Variants in RAPGEF6 observed in about 807,000 individuals in gnomAD.
RAPGEF6 encodes the protein Rap guanine nucleotide exchange factor 6.
In RAPGEF6, 56 loss-of-function variants were observed where a neutral mutation model predicts 171.4. That is an observed-to-expected ratio of 0.33 (90% CI 0.26 to 0.41). The LOEUF is 0.41. RAPGEF6 is among the 10% of genes least tolerant of loss of function. The pLI is 1.00. For synonymous variants in RAPGEF6, 692 were observed against 650.1 expected, an observed-to-expected ratio of 1.06 and a Z score of -0.98; for missense variants, 1,674 against 1,921.4, an observed-to-expected ratio of 0.87 and a Z score of 2.41.
At chr5:131,569,130 A>G (rs1014217657) in intron 4 of RAPGEF6, among the ~76,000 whole-genome samples, 2 of 152,248 alleles carry the variant, frequency 1.3e-5, no homozygotes, top group Non-Finnish European at 2.9e-5. Context: ...AACACAATAT[A>G]GTTAAGACTG....
chr5:131,577,314 A>G (rs1762665023), intron 4 of RAPGEF6, among the ~76,000 whole-genome samples: 1 of 152,198 alleles, frequency 6.6e-6, no homozygotes, highest in Non-Finnish European at 1.5e-5. Flanking sequence ...GGTCTTTTAA[A>G]AACACCTCAC....
chr5:131,549,767 C>T (rs959413234), intron 5 of RAPGEF6, among the ~76,000 whole-genome samples: 2 of 151,880 alleles, frequency 1.3e-5, no homozygotes, highest in Non-Finnish European at 2.9e-5. Context: ...AGGTTTATTA[C>T]GCAGGTAAAC....
intron 4 of RAPGEF6, among the ~76,000 whole-genome samples, chr5:131,591,771 C>A (rs1161320055): frequency 6.6e-6 from 1 of 152,248 alleles, no homozygotes; most frequent in South Asian, 2.1e-4. Context: ...AAACCAATTT[C>A]TTAACTATTA....
chr5:131,631,454 C>G (rs757233662), intron 1 of RAPGEF6, among the ~76,000 whole-genome samples: 23 of 152,198 alleles, frequency 1.5e-4, no homozygotes, highest in Non-Finnish European at 5.9e-5. Flanking sequence ...CACATCTGAT[C>G]TATTAGCAAA....
At chr5:131,444,089 C>T (rs952471207) in intron 22 of RAPGEF6, among the ~76,000 whole-genome samples, 5 of 152,164 alleles carry the variant, frequency 3.3e-5, no homozygotes, top group South Asian at 4.1e-4. Context: ...GGTGCAGCCT[C>T]AGTACTTCAT....
chr5:131,546,938 A>G (rs1760585164), intron 6 of RAPGEF6, among the ~76,000 whole-genome samples: 1 of 152,248 alleles, frequency 6.6e-6, no homozygotes. Context: ...TCAAAAAAAG[A>G]CACATATTAC....
intron 5 of RAPGEF6, among the ~76,000 whole-genome samples, chr5:131,561,395 C>T (rs911109121): frequency 1.3e-5 from 2 of 152,088 alleles, no homozygotes; most frequent in Admixed American, 6.5e-5. Context: ...CAGTGACCCA[C>T]GCCTGTAATC....
intron 11 of RAPGEF6, among the ~76,000 whole-genome samples, chr5:131,500,071 G>C (rs1756918064): frequency 6.6e-6 from 1 of 151,986 alleles, no homozygotes; most frequent in Non-Finnish European, 1.5e-5. Context: ...GCTAATTTTT[G>C]TATTTTTAGT....
intron 4 of RAPGEF6, among the ~76,000 whole-genome samples, chr5:131,586,088 A>G (rs9327619): frequency 0.77 from 116,459 of 152,030 alleles, 44,924 homozygotes; most frequent in Middle Eastern, 0.82. Flanking sequence ...TAAATGAACT[A>G]AGACCTGTCT....
chr5:131,504,729 TC>T lies in RAPGEF6; in HGVS notation c.1150del (p.Glu384LysfsTer22). 1 of 1,613,954 alleles carries T rather than the reference TC, an allele frequency of 6.2e-7. No homozygotes were observed. Among genetic ancestry groups the T allele is most frequent in the African/African-American group, 1.3e-5 (1 of 75,014 alleles). On this transcript the variant is annotated frameshift_variant, in exon 11 of 28. Coordinates refer to ENST00000509018, the MANE Select transcript of RAPGEF6 (RefSeq NM_016340.6). LOFTEE classifies it high-confidence loss of function. ...QDYWRILNHV[E>X]KNTHKVEEEG... The stretch of plus-strand genomic sequence containing the variant: ...TTCCTCAACTTTATGGGTATTTTTT[TC>T]CACATGGTTTAAAATTCTCCAATAA...
intron 15 of RAPGEF6, among the ~76,000 whole-genome samples, chr5:131,481,052 A>T (rs925534190): frequency 2.0e-5 from 3 of 151,664 alleles, no homozygotes; most frequent in Non-Finnish European, 4.4e-5. Context: ...CTGCCTCCCA[A>T]GTAGCTGGGA....
chr5:131,464,217 A>G lies in RAPGEF6; in HGVS notation c.2304T>C (p.Ser768=). Residue 768 remains serine (S), a synonymous_variant, in exon 18 of 28, where the codon AGT becomes AGC. Coordinates refer to ENST00000509018, the MANE Select transcript of RAPGEF6 (RefSeq NM_016340.6). The stretch of plus-strand genomic sequence containing the variant: ...CTACTTCTTTAGCTGTGGTGTCTTT[A>G]CTGATGATAATGTAGCAACTTTGCT... The part of the protein sequence containing the change: ...VDQQSCYIII[S]KDTTAKEVVF... 1 of 1,613,878 alleles carries G rather than the reference A, an allele frequency of 6.2e-7. No homozygotes were observed. The highest frequency in any genetic ancestry group is 8.5e-7 in the Non-Finnish European group (1 of 1,179,794).
chr5:131,602,988 C>T (rs1167044981), intron 3 of RAPGEF6, among the ~76,000 whole-genome samples: 1 of 152,164 alleles, frequency 6.6e-6, no homozygotes, highest in Non-Finnish European at 1.5e-5. Flanking sequence ...TACAGTGATA[C>T]AAGTCAGAAT....
In RAPGEF6 at chr5:131,425,338, A is replaced by T. The variant is rs969482931; in HGVS notation, c.*1928T>A. ...GTAGACATCTGAATTTGATAAAAAAAGTGGGTATAGCAAAAATATATTTCA... is the reference window on the plus strand; with the variant it reads ...GTAGACATCTGAATTTGATAAAAAATGTGGGTATAGCAAAAATATATTTCA... On this transcript the variant is annotated 3_prime_UTR_variant, in exon 28 of 28. Transcript: ENST00000509018. 1 of 152,508 alleles carries T rather than the reference A, an allele frequency of 6.6e-6. No individual in the cohort carries two copies. The highest frequency in any genetic ancestry group is 1.9e-4 in the East Asian group (1 of 5,326). The allele number at this position is 152,508 out of a possible 1,614,324, so 9.4% of individuals were successfully genotyped here. A position where few individuals can be genotyped will look rare whatever the true frequency, so the allele number is the denominator to read the frequency against.
intron 1 of RAPGEF6, among the ~76,000 whole-genome samples, chr5:131,620,273 C>T (rs1234032201): frequency 1.3e-5 from 2 of 152,194 alleles, no homozygotes; most frequent in Non-Finnish European, 2.9e-5. Flanking sequence ...ACATCCATAG[C>T]TTCAACTATC....
chr5:131,612,680 A>G (rs1765005621), intron 1 of RAPGEF6, among the ~76,000 whole-genome samples: 1 of 152,172 alleles, frequency 6.6e-6, no homozygotes, highest in Non-Finnish European at 1.5e-5. Flanking sequence ...GTAATACACA[A>G]AAGTTAGGTT....
At chr5:131,530,665 G>T (rs764500062) in intron 6 of RAPGEF6, among the ~76,000 whole-genome samples, 14 of 152,174 alleles carry the variant, frequency 9.2e-5, no homozygotes, top group Non-Finnish European at 5.9e-5. Flanking sequence ...TACCAATCCA[G>T]AATCCTGCTC....
At chr5:131,627,986 C>T (rs1268320528) in intron 1 of RAPGEF6, among the ~76,000 whole-genome samples, 1 of 152,178 alleles carries the variant, frequency 6.6e-6, no homozygotes, top group Non-Finnish European at 1.5e-5. Flanking sequence ...TGTGTTCCAA[C>T]TGTTCCACTG....
intron 4 of RAPGEF6, among the ~76,000 whole-genome samples, chr5:131,575,919 C>T (rs1762578815): frequency 6.6e-6 from 1 of 152,124 alleles, no homozygotes; most frequent in Non-Finnish European, 1.5e-5. Flanking sequence ...TTCTAGAGGC[C>T]CTCAAGATCA....
Sources: gnomAD v4.1 joint callset for allele counts (sites outside exome capture counted in the v4.1 genomes callset) on GRCh38, gnomAD v4.1.1 for gene constraint, MANE v1.5 for transcripts, NCBI Gene and HGNC (gene_info 2026-07-23, HGNC 2026-07-21) for gene names.